The following ST8SIA1 variants were observed in gnomAD, a reference collection of about 807,000 sequenced individuals.
ST8SIA1 encodes the protein alpha-N-acetylneuraminide alpha-2,8-sialyltransferase.
In ST8SIA1, 16 loss-of-function variants were observed where a neutral mutation model predicts 35.9. That is an observed-to-expected ratio of 0.45 (90% confidence interval 0.30 to 0.68). ST8SIA1 has a LOEUF of 0.68. Among genes scored for constraint, ST8SIA1 ranks in the 30% least tolerant of loss-of-function variants. The pLI is 0.09. For missense variants in ST8SIA1, 383 were observed against 453.6 expected (o/e 0.84, Z 1.41); for synonymous variants, 170 against 169.6 (o/e 1.00, Z -0.02).
chr12:22,223,585 G>C (rs1339999466), intron 4 of ST8SIA1: 1 of 1,057,152 alleles, frequency 9.5e-7, no homozygotes, highest in African/African-American at 1.7e-5. Context: ...GCCAGATTCT[G>C]ATTCAAGCAG....
chr12:22,205,278 T>TA (rs1344564746), intron 4 of ST8SIA1, among the ~76,000 whole-genome samples: 1 of 151,814 alleles, frequency 6.6e-6, no homozygotes, highest in Non-Finnish European at 1.5e-5. Context: ...ACTATATGAA[T>TA]AAAAAACTAC....
At chr12:22,208,730 A>C (rs1470111963) in intron 4 of ST8SIA1, among the ~76,000 whole-genome samples, 2 of 152,216 alleles carry the variant, frequency 1.3e-5, no homozygotes, top group Non-Finnish European at 2.9e-5. Flanking sequence ...GTCAAAACTG[A>C]TTATAAAACT....
intron 4 of ST8SIA1, among the ~76,000 whole-genome samples, chr12:22,224,544 C>T (rs1370613685): frequency 6.6e-6 from 1 of 152,098 alleles, no homozygotes; most frequent in Non-Finnish European, 1.5e-5. Context: ...GGATTATAAG[C>T]ATGAGCCACT....
intron 1 of ST8SIA1, among the ~76,000 whole-genome samples, chr12:22,288,535 G>A (rs2135817444): frequency 6.6e-6 from 1 of 152,308 alleles, no homozygotes; most frequent in South Asian, 2.1e-4. Context: ...TGCAGCTGCA[G>A]GAGCCCCGCG....
At chr12:22,206,933 A>AAAGGCATTT (rs1294875548) in intron 4 of ST8SIA1, among the ~76,000 whole-genome samples, 1 of 152,240 alleles carries the variant, frequency 6.6e-6, no homozygotes, top group African/African-American at 2.4e-5. Flanking sequence ...TATAAAAAGA[A>AAAGGCATTT]AAGGCATTTA....
intron 1 of ST8SIA1, among the ~76,000 whole-genome samples, chr12:22,330,212 C>T (rs1004429347): frequency 2.0e-5 from 3 of 152,202 alleles, no homozygotes; most frequent in Non-Finnish European, 4.4e-5. Flanking sequence ...CTCTCTGAAA[C>T]CCGATTTCCC....
At chr12:22,259,888 G>A (rs953918155) in intron 2 of ST8SIA1, among the ~76,000 whole-genome samples, 1 of 152,128 alleles carries the variant, frequency 6.6e-6, no homozygotes, top group African/African-American at 2.4e-5. Context: ...TGAACAAGAT[G>A]TTTTCCTTTA....
chr12:22,334,554 C>A lies in ST8SIA1; in HGVS notation c.-322G>T. 1 of 398,162 alleles carries A rather than the reference C, an allele frequency of 2.5e-6. No individual in the cohort carries two copies. Among genetic ancestry groups the A allele is most frequent in the Non-Finnish European group, 4.6e-6 (1 of 217,042 alleles). The allele number at this position is 398,162 out of a possible 1,614,324, so 24.7% of individuals were successfully genotyped here. On this transcript the variant is annotated 5_prime_UTR_variant, in exon 1 of 5. Coordinates refer to ENST00000396037, the MANE Select transcript of ST8SIA1 (RefSeq NM_003034.4). ...GAGAGCGGCGGCGGCGAGTCGCTCCCGCCGGTTCTGCAGCATCACGGTCGC... is the reference window on the plus strand; with the variant it reads ...GAGAGCGGCGGCGGCGAGTCGCTCCAGCCGGTTCTGCAGCATCACGGTCGC...
chr12:22,321,003 G>GAAGA (rs1555162777), intron 1 of ST8SIA1, among the ~76,000 whole-genome samples: 2,560 of 75,778 alleles, frequency 0.034, 126 homozygotes, highest in East Asian at 0.051. Flanking sequence ...AAGAAAGAAA[G>GAAGA]AAGAAAGAAA....
At chr12:22,316,916 G>GA (rs142418174) in intron 1 of ST8SIA1, among the ~76,000 whole-genome samples, 2,249 of 149,838 alleles carry the variant, frequency 0.015, 26 homozygotes, top group South Asian at 0.026. Flanking sequence ...TCAGTATCGG[G>GA]AAAAAAAAAC....
At chr12:22,311,265 C>G (rs1307272859) in intron 1 of ST8SIA1, among the ~76,000 whole-genome samples, 1 of 152,080 alleles carries the variant, frequency 6.6e-6, no homozygotes, top group Non-Finnish European at 1.5e-5. Flanking sequence ...ATTATCCCAG[C>G]ACATCTTATC....
chr12:22,288,936 C>T (rs1866140575), intron 1 of ST8SIA1, among the ~76,000 whole-genome samples: 1 of 152,084 alleles, frequency 6.6e-6, no homozygotes, highest in South Asian at 2.1e-4. Flanking sequence ...CACTCTATTG[C>T]CCAGGCTGGA....
In ST8SIA1 at chr12:22,199,880, A is replaced by T. The variant is rs980473107; in HGVS notation, c.*1672T>A. On this transcript the variant is annotated 3_prime_UTR_variant, in exon 5 of 5. Transcript: ENST00000396037. Reference sequence around the variant, plus strand: ...CAATTTAGTGACATTTAAAATAAAAAAGAAATTGAACTCTAGTGTCACATT... The same window carrying T: ...CAATTTAGTGACATTTAAAATAAAATAGAAATTGAACTCTAGTGTCACATT... The T allele has an allele frequency of 6.6e-6, 1 of 152,202 alleles. No individual in the cohort carries two copies. The highest frequency in any genetic ancestry group is 2.4e-5 in the African/African-American group (1 of 41,450). The allele number at this position is 152,202 out of a possible 1,614,324, so 9.4% of individuals were successfully genotyped here. A position where few individuals can be genotyped will look rare whatever the true frequency, so the allele number is the denominator to read the frequency against.
At chr12:22,214,859 G>C (rs1030597546) in intron 4 of ST8SIA1, among the ~76,000 whole-genome samples, 10 of 152,272 alleles carry the variant, frequency 6.6e-5, no homozygotes, top group Non-Finnish European at 1.2e-4. Flanking sequence ...TCCCTTTTCT[G>C]CTGTTGAGAA....
intron 1 of ST8SIA1, among the ~76,000 whole-genome samples, chr12:22,314,246 T>C (rs1054571201): frequency 2.6e-5 from 4 of 152,168 alleles, no homozygotes; most frequent in African/African-American, 7.2e-5. Flanking sequence ...CTTCACGGTA[T>C]GTTTTTAGCC....
At chr12:22,257,733 A>G (rs927279095) in intron 2 of ST8SIA1, among the ~76,000 whole-genome samples, 1 of 152,002 alleles carries the variant, frequency 6.6e-6, no homozygotes, top group Non-Finnish European at 1.5e-5. Flanking sequence ...GGGAGGGAGA[A>G]GTAGGAAGGA....
At chr12:22,332,770 G>A (rs1471960904) in intron 1 of ST8SIA1, among the ~76,000 whole-genome samples, 2 of 152,168 alleles carry the variant, frequency 1.3e-5, no homozygotes, top group Non-Finnish European at 2.9e-5. Context: ...GAAACCATAT[G>A]TTTAAAAAGT....
intron 1 of ST8SIA1, among the ~76,000 whole-genome samples, chr12:22,317,497 G>A (rs1004001601): frequency 5.3e-5 from 8 of 152,154 alleles, no homozygotes; most frequent in Non-Finnish European, 8.8e-5. Flanking sequence ...TAAAGGATAC[G>A]CTTCCTAGTT....
At chr12:22,292,210 T>G (rs964956721) in intron 1 of ST8SIA1, among the ~76,000 whole-genome samples, 1 of 152,290 alleles carries the variant, frequency 6.6e-6, no homozygotes, top group South Asian at 2.1e-4. Flanking sequence ...AAAAGTTCCA[T>G]GAGGAATAAA....
Sources: gnomAD v4.1 joint callset for allele counts (sites outside exome capture counted in the v4.1 genomes callset) on GRCh38, gnomAD v4.1.1 for gene constraint, MANE v1.5 for transcripts, NCBI Gene and HGNC (gene_info 2026-07-23, HGNC 2026-07-21) for gene names.